Variants in HERC1 observed in about 807,000 individuals in gnomAD.
HERC1 encodes the protein probable E3 ubiquitin-protein ligase HERC1.
Under a neutral mutation model 554.3 loss-of-function variants are expected in HERC1, and 160 were observed. The ratio of observed to expected loss-of-function variants is 0.29; its 90% CI spans 0.25 to 0.33. HERC1 has a LOEUF of 0.33. HERC1 is among the 10% of genes least tolerant of loss of function. The pLI, the probability that HERC1 is intolerant of heterozygous loss-of-function variation, is 1.00. For synonymous variants in HERC1, 2,175 were observed against 2,131.7 expected (o/e 1.02, Z -0.56); for missense variants, 4,919 against 5,918.5 (o/e 0.83, Z 5.54).
At position 63,615,843 on chromosome 15, in the gene HERC1, G is replaced by A. The variant is rs1249536970; in HGVS notation, c.14019C>T (p.Ile4673=). ...MVPIIPGGNS[I]PLTFSNRKEY... is the part of the protein sequence containing the mutation. ...CCTTCCTGTTGGAAAATGTGAGTGG[G>A]ATACTATTTCCACCAGGGATTATAG... Residue 4673 remains isoleucine (I), a synonymous_variant, in exon 76 of 78, where the codon ATC becomes ATT. Coordinates refer to ENST00000443617, the MANE Select transcript of HERC1 (RefSeq NM_003922.4). 3.7e-6 allele frequency: 6 copies of A among 1,606,838 alleles called. No homozygotes were observed. Among genetic ancestry groups the A allele is most frequent in the Middle Eastern group, 1.6e-4 (1 of 6,070 alleles).
At chr15:63,624,135 C>T (rs752923188) in intron 72 of HERC1, 23 bp downstream of exon 72, 2 of 1,572,866 alleles carry the variant, frequency 1.3e-6, no homozygotes, top group Admixed American at 1.9e-5. Flanking sequence ...GCTCATTAGT[C>T]AAACACACAT....
intron 46 of HERC1, 107 bp downstream of exon 46, chr15:63,660,866 C>T (rs2070318544): frequency 1.5e-6 from 1 of 688,188 alleles, no homozygotes; most frequent in Non-Finnish European, 2.5e-6. Flanking sequence ...AACATGTACA[C>T]AAATACAAAC....
intron 1 of HERC1, among the ~76,000 whole-genome samples, chr15:63,824,874 T>C (rs2077833737): frequency 6.6e-6 from 1 of 151,050 alleles, no homozygotes; most frequent in Admixed American, 6.6e-5. Context: ...TGATCTCTTC[T>C]ATATGTGGAA....
intron 55 of HERC1, 82 bp downstream of exon 55, chr15:63,647,987 G>C: frequency 9.1e-7 from 1 of 1,096,264 alleles, no homozygotes; most frequent in South Asian, 1.5e-5. Flanking sequence ...TAAAATCTCT[G>C]ACTTCTCCAC....
chr15:63,611,358 T>A (rs947329360), intron 77 of HERC1, among the ~76,000 whole-genome samples: 22 of 152,192 alleles, frequency 1.4e-4, no homozygotes, highest in African/African-American at 5.3e-4. Flanking sequence ...GTCAGACAGG[T>A]GCTTAAGAAA....
At chr15:63,833,168 C>A (rs931875711) in intron 1 of HERC1, among the ~76,000 whole-genome samples, 4 of 152,190 alleles carry the variant, frequency 2.6e-5, no homozygotes, top group African/African-American at 9.6e-5. Flanking sequence ...ATCCTCATCT[C>A]ACGCTTAAGA....
At chr15:63,745,227 G>A (rs1477747598) in intron 12 of HERC1, among the ~76,000 whole-genome samples, 5 of 152,132 alleles carry the variant, frequency 3.3e-5, no homozygotes, top group South Asian at 2.1e-4. Flanking sequence ...TCGGGGAGGC[G>A]GGGGGTGAGC....
chr15:63,814,453 G>A (rs1393034862), intron 1 of HERC1, among the ~76,000 whole-genome samples: 2 of 152,012 alleles, frequency 1.3e-5, no homozygotes, highest in African/African-American at 2.4e-5. Flanking sequence ...GGGTGGGGGA[G>A]GGGGTTGGAG....
chr15:63,759,950 T>C (rs540407272), intron 3 of HERC1, among the ~76,000 whole-genome samples: 1 of 152,262 alleles, frequency 6.6e-6, no homozygotes, highest in East Asian at 1.9e-4. Flanking sequence ...AGGTCTGGAA[T>C]TTTGCTGGAG....
chr15:63,678,065 T>C lies in HERC1; in HGVS notation c.6850A>G (p.Thr2284Ala), dbSNP rs753965372. ...GAGAGGTCAGCGAGGCCATGCCTAGTATGTTTACCTTTCTCTTCCTCTTTG... is the reference window on the plus strand; with the variant it reads ...GAGAGGTCAGCGAGGCCATGCCTAGCATGTTTACCTTTCTCTTCCTCTTTG... ...ESKEEEKGKH[T>A]RHGLADLSEL... Residue 2284 changes from threonine to alanine, a missense_variant, in exon 37 of 78, where the codon ACT becomes GCT. Coordinates refer to ENST00000443617, the MANE Select transcript of HERC1 (RefSeq NM_003922.4). 6.2e-7 allele frequency: 1 copy of C among 1,614,034 alleles called. No individual in the cohort carries two copies. Among genetic ancestry groups the C allele is most frequent in the Non-Finnish European group, 8.5e-7 (1 of 1,179,904 alleles).
At chr15:63,639,522 T>G (rs183492296) in intron 61 of HERC1, among the ~76,000 whole-genome samples, 1 of 152,370 alleles carries the variant, frequency 6.6e-6, no homozygotes, top group East Asian at 1.9e-4. Flanking sequence ...CATTAAGTGA[T>G]GCATAGCTAC....
chr15:63,775,268 T>C lies in HERC1; in HGVS notation c.356A>G (p.Asn119Ser), dbSNP rs959087598. The change falls in exon 2 of 78, where the codon AAT becomes AGT. Residue 119 changes from asparagine to serine, a missense_variant. Physicochemically the swap from Asn to Ser is conservative, Grantham distance 46. Coordinates refer to ENST00000443617, the MANE Select transcript of HERC1 (RefSeq NM_003922.4). The surrounding 1 kb of genome is among the most constrained non-coding windows in gnomAD (Gnocchi z 4.0). ...VLQRVFYALS[N>S]KYHDKGKVKQ... is the part of the protein sequence containing the mutation. ...CACCTTGCCTTTGTCATGGTATTTA[T>C]TAGAAAGTGCATAAAAGACACGCTG... is the stretch of plus-strand genomic sequence containing the variant. 5.0e-6 allele frequency: 8 copies of C among 1,613,914 alleles called. No homozygotes were observed. The highest frequency in any genetic ancestry group is 6.8e-6 in the Non-Finnish European group (8 of 1,179,892).
Position 63,741,603 on chromosome 15 carries a change from GTTTTC to G in HERC1, c.2520+5310_2520+5314del, listed in dbSNP as rs199749335. ...ATTACAGGCGTGCGCCTGGCCCTATGTTTTCTTTTATGAGTTTTACAGTTATAGCT... is the reference window on the plus strand; with the variant it reads ...ATTACAGGCGTGCGCCTGGCCCTATGTTTTATGAGTTTTACAGTTATAGCT... On this transcript the variant is annotated intron_variant, in intron 12 of 77. Transcript: ENST00000443617. Among the ~76,000 whole-genome samples, 1,077 of 152,282 alleles carry G rather than the reference GTTTTC, an allele frequency of 7.1e-3. 14 individuals carry two copies. The highest frequency in any genetic ancestry group is 0.025 in the African/African-American group (1,036 of 41,560).
chr15:63,688,508 A>G lies in HERC1; in HGVS notation c.6048+1081T>C, dbSNP rs188494698. ...GGAATCAAGTCTTAAATGAGTCTGAATAAGGTTTCTTTGAGAAGAAATGTG... is the reference window on the plus strand; with the variant it reads ...GGAATCAAGTCTTAAATGAGTCTGAGTAAGGTTTCTTTGAGAAGAAATGTG... On this transcript the variant is annotated intron_variant, in intron 33 of 77. Coordinates refer to ENST00000443617, the MANE Select transcript of HERC1 (RefSeq NM_003922.4). Among the ~76,000 whole-genome samples the G allele has an allele frequency of 4.6e-5, 7 of 152,320 alleles. No individual in the cohort carries two copies. In the East Asian group the frequency reaches 7.7e-4, roughly 17 times the overall value.
chr15:63,677,660 A>G lies in HERC1; in HGVS notation c.7070+185T>C, dbSNP rs2071276146. On this transcript the variant is annotated intron_variant, in intron 37 of 77. Transcript: ENST00000443617. The surrounding 1 kb of genome is among the most constrained non-coding windows in gnomAD (Gnocchi z 4.4). ...ATTTTTAAAACCCACTAGTATTTCA[A>G]AGAACATGGGTTTAGGAAATTCTCC... 6.6e-6 allele frequency among the ~76,000 whole-genome samples: 1 copy of G among 152,274 alleles called. No homozygotes were observed. The highest frequency in any genetic ancestry group is 2.1e-4 in the South Asian group (1 of 4,836).
chr15:63,729,808 AAGTCAGGAGGTTGAGAC>A (rs375085351), intron 14 of HERC1, among the ~76,000 whole-genome samples, 159 bp from the exon 15 acceptor site: 15 of 152,020 alleles, frequency 9.9e-5, no homozygotes, highest in Admixed American at 5.2e-4. Context: ...ACATCACCTG[AAGTCAGGAGGTTGAGAC>A]CAGCCTGGCC....
chr15:63,705,499 C>T (rs928130308), intron 25 of HERC1, among the ~76,000 whole-genome samples: 2 of 151,618 alleles, frequency 1.3e-5, no homozygotes, highest in Admixed American at 1.3e-4. Flanking sequence ...GAGCTATATA[C>T]ATGAAAATGA....
chr15:63,658,092 CT>C (rs1194215113), intron 48 of HERC1, among the ~76,000 whole-genome samples: 1 of 152,162 alleles, frequency 6.6e-6, no homozygotes, highest in Non-Finnish European at 1.5e-5. Context: ...TTAAATACTC[CT>C]GCTTAATCAC....
At chr15:63,647,697 G>A (rs1346770697) in intron 55 of HERC1, among the ~76,000 whole-genome samples, 3 of 152,194 alleles carry the variant, frequency 2.0e-5, no homozygotes, top group South Asian at 4.1e-4. Context: ...GGTATTTTAA[G>A]CAACATGGTT....
Sources: gnomAD v4.1 joint callset for allele counts (sites outside exome capture counted in the v4.1 genomes callset) on GRCh38, gnomAD v4.1.1 for gene constraint, Gnocchi (gnomAD v3.1) non-coding constraint, MANE v1.5 for transcripts, NCBI Gene and HGNC (gene_info 2026-07-23, HGNC 2026-07-21) for gene names.